ABCA12: variants seen among roughly 807,000 people sequenced by gnomAD.
ABCA12 encodes the protein ATP binding cassette subfamily A member 12, also known as glucosylceramide transporter ABCA12.
In ABCA12, 156 loss-of-function variants were observed where a neutral mutation model predicts 293.5. That is an observed-to-expected ratio of 0.53 (90% CI 0.47 to 0.61). The LOEUF (loss-of-function observed/expected upper bound fraction) is 0.61, where lower values mean the gene tolerates loss of function less well. Ranked by LOEUF, ABCA12 falls within the 20% of genes least tolerant of loss-of-function variation. The pLI, the probability that ABCA12 is intolerant of heterozygous loss-of-function variation, is 0.00. For synonymous variants in ABCA12, 1,063 were observed against 1,108.0 expected, an observed-to-expected ratio of 0.96 and a Z score of 0.81; for missense variants, 2,797 against 3,090.2, an observed-to-expected ratio of 0.91 and a Z score of 2.25.
rs1699272888 is a variant in ABCA12 at position 214,966,891 on chromosome 2, G to T, written c.5841C>A (p.Phe1947Leu). 5.0e-6 allele frequency: 8 copies of T among 1,613,724 alleles called. No homozygotes were observed. Among genetic ancestry groups the T allele is most frequent in the African/African-American group, 1.3e-5 (1 of 74,914 alleles). Residue 1947 changes from phenylalanine (F) to leucine (L), a missense_variant, in exon 39 of 53, where the codon TTC becomes TTA. By Grantham distance (22) the Phe-to-Leu change is conservative. Around this residue, in one of 3 missense-constraint regions of ABCA12, gnomAD observed 2,130 missense variants for 2,427.0 expected, o/e 0.88. Transcript: ENST00000272895. ...ATTTTGACATGTTAACTCGCAGAAGGAAATTATTCAGGCTGTTGAGGTAAG... is the reference window on the plus strand; with the variant it reads ...ATTTTGACATGTTAACTCGCAGAAGTAAATTATTCAGGCTGTTGAGGTAAG... ...LPAYLNSLNN[F>L]LLRVNMSKYD...
rs1699273997 is a variant in ABCA12 at position 214,966,935 on chromosome 2, C to T, written c.5797G>A (p.Gly1933Ser). ...TLAKVWYDPE[G>S]YHSLPAYLNS... ...AGGTAAGCTGGAAGGGAGTGATAGCCTTCTGGATCATACCATACCTATTAA... is the reference window on the plus strand; with the variant it reads ...AGGTAAGCTGGAAGGGAGTGATAGCTTTCTGGATCATACCATACCTATTAA... The change falls in exon 39 of 53, where the codon GGC becomes AGC. Residue 1933 changes from glycine (G) to serine (S), a missense_variant. Around this residue, in one of 3 missense-constraint regions of ABCA12, gnomAD observed 2,130 missense variants for 2,427.0 expected, o/e 0.88. Coordinates refer to ENST00000272895, the MANE Select transcript of ABCA12 (RefSeq NM_173076.3). 6.2e-7 allele frequency: 1 copy of T among 1,613,532 alleles called. No homozygotes were observed. The highest frequency in any genetic ancestry group is 1.7e-5 in the Admixed American group (1 of 59,950).
chr2:215,002,321 T>G (rs1211620898), intron 20 of ABCA12, among the ~76,000 whole-genome samples: 1 of 152,202 alleles, frequency 6.6e-6, no homozygotes, highest in Admixed American at 6.5e-5. Flanking sequence ...ACTTTTGATA[T>G]CTGTATTAAT....
Position 215,101,936 on chromosome 2 carries a change from T to A in ABCA12, c.163+9661A>T, listed in dbSNP as rs538214019. On this transcript the variant is annotated intron_variant, in intron 2 of 52. Transcript: ENST00000272895. ...CAGAATTCCCAATCCAGCCACCAGC[T>A]CCTACTCCTTAAAACCATCTCCCAC... is the stretch of plus-strand genomic sequence containing the variant. Among the ~76,000 whole-genome samples the A allele has an allele frequency of 1.5e-3, 231 of 152,310 alleles. 2 individuals carry two copies. Among genetic ancestry groups the A allele is most frequent in the Non-Finnish European group, 2.8e-3 (191 of 68,026 alleles).
At chr2:214,996,077 C>A (rs1455282873) in intron 23 of ABCA12, among the ~76,000 whole-genome samples, 1 of 152,058 alleles carries the variant, frequency 6.6e-6, no homozygotes, top group African/African-American at 2.4e-5. Context: ...GACCCCAAGA[C>A]AAAGGTGGTT....
chr2:214,974,093 AT>A, intron 35 of ABCA12, 51 bp from the exon 36 acceptor site: 1 of 1,438,978 alleles, frequency 6.9e-7, no homozygotes, highest in Non-Finnish European at 9.8e-7. Context: ...ATGTGTTCTC[AT>A]GTTTACATAT....
rs1038614082 is a variant in ABCA12 at position 215,054,424 on chromosome 2, C to T, written c.409+149G>A. The T allele has an allele frequency of 1.2e-5, 8 of 691,488 alleles. No individual in the cohort carries two copies. Among genetic ancestry groups the T allele is most frequent in the Non-Finnish European group, 2.0e-5 (8 of 394,720 alleles). The allele number at this position is 691,488 out of a possible 1,614,324, so 42.8% of individuals were successfully genotyped here. On this transcript the variant is annotated intron_variant, in intron 4 of 52. Coordinates refer to ENST00000272895, the MANE Select transcript of ABCA12 (RefSeq NM_173076.3). ...CTTTGCGTAATTGCACCGCCATACTCAGGCAACCATGAGGAACGTTTAGAT... is the reference window on the plus strand; with the variant it reads ...CTTTGCGTAATTGCACCGCCATACTTAGGCAACCATGAGGAACGTTTAGAT...
At chr2:215,107,781 C>T (rs1702492882) in intron 2 of ABCA12, among the ~76,000 whole-genome samples, 1 of 152,150 alleles carries the variant, frequency 6.6e-6, no homozygotes, top group South Asian at 2.1e-4. Flanking sequence ...AATGTACCCA[C>T]AGTATTACAG....
intron 39 of ABCA12, among the ~76,000 whole-genome samples, chr2:214,961,130 A>G (rs1699100297): frequency 6.6e-6 from 1 of 152,032 alleles, no homozygotes; most frequent in Admixed American, 6.6e-5. Flanking sequence ...GATCTCATAT[A>G]TGCATTAAGA....
rs1217489247 is a variant in ABCA12 at position 214,978,675 on chromosome 2, A to G, written c.4977+129T>C. 2.5e-6 allele frequency: 3 copies of G among 1,179,856 alleles called. No homozygotes were observed. In the African/African-American group the frequency reaches 4.7e-5, roughly 18 times the overall value. 73.1% of individuals were successfully genotyped at this position (1,179,856 alleles called of 1,614,324 possible). On this transcript the variant is annotated intron_variant, in intron 32 of 52. Coordinates refer to ENST00000272895, the MANE Select transcript of ABCA12 (RefSeq NM_173076.3). The stretch of plus-strand genomic sequence containing the variant: ...TCAGTCTTACATAAGAATAGTACTG[A>G]AAAAATGTTAAGCTTTTCTAATTTT...
chr2:215,094,831 C>T (rs4564768), intron 2 of ABCA12, among the ~76,000 whole-genome samples: 2,764 of 152,256 alleles, frequency 0.018, 29 homozygotes, highest in Middle Eastern at 0.048. Context: ...CTGCTGCCCT[C>T]GCTAAATCCC....
intron 3 of ABCA12, among the ~76,000 whole-genome samples, chr2:215,062,764 A>G (rs1701555956): frequency 6.6e-6 from 1 of 151,946 alleles, no homozygotes; most frequent in South Asian, 2.1e-4. Context: ...CCGAAATGTC[A>G]CTTCTAGCAG....
chr2:215,114,165 G>A (rs1702639165), intron 1 of ABCA12, among the ~76,000 whole-genome samples: 1 of 152,088 alleles, frequency 6.6e-6, no homozygotes, highest in Non-Finnish European at 1.5e-5. Flanking sequence ...AGTAGAGACG[G>A]GGTCTCACCA....
chr2:215,102,424 C>A (rs941508203), intron 2 of ABCA12, among the ~76,000 whole-genome samples: 1 of 152,020 alleles, frequency 6.6e-6, no homozygotes, highest in Non-Finnish European at 1.5e-5. Context: ...CATGGTGAAA[C>A]CCTGTCTCTA....
intron 6 of ABCA12, among the ~76,000 whole-genome samples, chr2:215,048,752 C>T (rs1042225529): frequency 3.3e-5 from 5 of 151,996 alleles, no homozygotes; most frequent in African/African-American, 1.2e-4. Context: ...TGGAATCAAC[C>T]TAAATGCCCA....
In ABCA12 at chr2:214,943,147, T is replaced by A; in HGVS notation, c.7344-130A>T. 1.2e-5 allele frequency: 9 copies of A among 739,988 alleles called. No homozygotes were observed. The South Asian group carries it at 1.4e-4, about 11-fold the overall frequency. 45.8% of individuals were successfully genotyped at this position (739,988 alleles called of 1,614,324 possible). A position where few individuals can be genotyped will look rare whatever the true frequency, so the allele number is the denominator to read the frequency against. On this transcript the variant is annotated intron_variant, in intron 49 of 52. Coordinates refer to ENST00000272895, the MANE Select transcript of ABCA12 (RefSeq NM_173076.3). ...ATTTTAGTTTTTTTCTTTTCTTTGT[T>A]ATTTTTTTGAGATAGGGTGTCACTC...
At chr2:214,938,088 A>G (rs1397409566) in intron 50 of ABCA12, among the ~76,000 whole-genome samples, 1 of 151,936 alleles carries the variant, frequency 6.6e-6, no homozygotes, top group Non-Finnish European at 1.5e-5. Context: ...TATTTCTCCT[A>G]ATGCTATCCC....
intron 19 of ABCA12, 38 bp downstream of exon 19, chr2:215,007,689 A>T: frequency 6.2e-7 from 1 of 1,613,186 alleles, no homozygotes; most frequent in Admixed American, 1.7e-5. Flanking sequence ...CAAAGAATTC[A>T]AATTCCTACT....
rs747411339 is a variant in ABCA12 at position 214,947,443 on chromosome 2, C to G, written c.7218G>C (p.Gly2406=). 1 of 1,613,892 alleles carries G rather than the reference C, an allele frequency of 6.2e-7. No homozygotes were observed. Residue 2406 remains glycine, a synonymous_variant, in exon 48 of 53, where the codon GGG becomes GGC. Transcript: ENST00000272895. ...TTACCAGCAGTAGAATGGAAGGTTTCCCTATCAAGGCCAGTGCAGTGGATA... is the reference window on the plus strand; with the variant it reads ...TTACCAGCAGTAGAATGGAAGGTTTGCCTATCAAGGCCAGTGCAGTGGATA... The part of the protein sequence containing the change: ...RKLSTALALI[G]KPSILLLDEP...
Position 214,990,894 on chromosome 2 carries a change from C to G in ABCA12, c.3432G>C (p.Gly1144=), listed in dbSNP as rs761990815. 7.4e-6 allele frequency: 12 copies of G among 1,613,708 alleles called. No homozygotes were observed. The African/African-American group carries it at 8.0e-5, about 11-fold the overall frequency. Residue 1144 remains glycine (G), a synonymous_variant, in exon 24 of 53, where the codon GGG becomes GGC. Coordinates refer to ENST00000272895, the MANE Select transcript of ABCA12 (RefSeq NM_173076.3). ...CCGAAAAATACAGGAACAAAATGAACCCATTTGTTTTAGGAAGAATATTGC... is the reference window on the plus strand; with the variant it reads ...CCGAAAAATACAGGAACAAAATGAAGCCATTTGTTTTAGGAAGAATATTGC... ...KFGNILPKTN[G]FILFLYFSDY...
Sources: gnomAD v4.1 joint callset for allele counts (sites outside exome capture counted in the v4.1 genomes callset) on GRCh38, gnomAD v4.1.1 for gene constraint, gnomAD v4.1.1 regional missense constraint, MANE v1.5 for transcripts, NCBI Gene and HGNC (gene_info 2026-07-23, HGNC 2026-07-21) for gene names.